Variants in ATP6V1C1 observed in about 807,000 individuals in gnomAD.
ATP6V1C1 encodes the protein ATPase H+ transporting V1 subunit C1.
Under a neutral mutation model 53.9 loss-of-function variants are expected in ATP6V1C1, and 45 were observed. That is an observed-to-expected ratio of 0.83 (90% confidence interval 0.66 to 1.07). The LOEUF (loss-of-function observed/expected upper bound fraction) is 1.07, where lower values mean the gene tolerates loss of function less well. Among genes scored for constraint, ATP6V1C1 ranks in the 50% least tolerant of loss-of-function variants. The pLI, the probability that ATP6V1C1 is intolerant of heterozygous loss-of-function variation, is 0.00. For missense variants in ATP6V1C1, 315 were observed against 440.3 expected, an observed-to-expected ratio of 0.72 and a Z score of 2.55; for synonymous variants, 153 against 155.2, an observed-to-expected ratio of 0.99 and a Z score of 0.11.
chr8:103,051,001 A>G, intron 4 of ATP6V1C1, 49 bp from the exon 5 acceptor site: 1 of 1,322,692 alleles, frequency 7.6e-7, no homozygotes, highest in East Asian at 2.3e-5. Context: ...TAAAAAACTG[A>G]ACAATTCTAT....
intron 12 of ATP6V1C1, among the ~76,000 whole-genome samples, chr8:103,067,879 C>T (rs1817523098): frequency 6.6e-6 from 1 of 152,174 alleles, no homozygotes; most frequent in South Asian, 2.1e-4. Context: ...GCCACCTTGC[C>T]CCCGGCCAAC....
At chr8:103,040,689 T>C (rs1816983420) in intron 1 of ATP6V1C1, 109 bp from the exon 2 acceptor site, 9 of 918,744 alleles carry the variant, frequency 9.8e-6, no homozygotes, top group South Asian at 6.5e-5. Flanking sequence ...ATGCCAACAT[T>C]AGATTAGTTT....
rs1817433474 is a variant in ATP6V1C1, at chr8:103,063,183, TAAA to T, written c.784_786del (p.Lys262del). 6.2e-7 allele frequency: 1 copy of T among 1,612,570 alleles called. No homozygotes were observed. The highest frequency in any genetic ancestry group is 1.3e-5 in the African/African-American group (1 of 74,842). ...ATAATGAAGAGGAGATGAAAGCAGATAAAGAAGAAATGAACAGGCTTTCTACTG... is the reference window on the plus strand; with the variant it reads ...ATAATGAAGAGGAGATGAAAGCAGATGAAGAAATGAACAGGCTTTCTACTG... On this transcript the variant is annotated inframe_deletion, in exon 10 of 13. Transcript: ENST00000518738.
At position 103,051,146 on chromosome 8, in the gene ATP6V1C1, T is replaced by G. The variant is rs1817193488; in HGVS notation, c.381+2T>G. 1 of 1,586,516 alleles carries G rather than the reference T, an allele frequency of 6.3e-7. No homozygotes were observed. Among genetic ancestry groups the G allele is most frequent in the African/African-American group, 1.3e-5 (1 of 74,298 alleles). On this transcript the variant is annotated splice_donor_variant, in intron 5 of 12. Transcript: ENST00000518738. LOFTEE classifies it high-confidence loss of function. ...AATATTTCTGAAATAATTGCCAAGG[T>G]AAGATAATACTTGAGACAAGTAGGA...
chr8:103,051,158 T>A lies in ATP6V1C1; in HGVS notation c.381+14T>A. ...ATAATTGCCAAGGTAAGATAATACT[T>A]GAGACAAGTAGGACACATTGATTTG... On this transcript the variant is annotated intron_variant, in intron 5 of 12. Transcript: ENST00000518738. 1.9e-6 allele frequency: 3 copies of A among 1,542,262 alleles called. No individual in the cohort carries two copies. The highest frequency in any genetic ancestry group is 2.7e-6 in the Non-Finnish European group (3 of 1,118,544).
At chr8:103,068,561 G>A (rs1319922799) in intron 12 of ATP6V1C1, 91 bp from the exon 13 acceptor site, 2 of 899,188 alleles carry the variant, frequency 2.2e-6, no homozygotes, top group South Asian at 1.9e-5. Context: ...GCCCAGAGTA[G>A]ATGTTCAATA....
chr8:103,038,530 CAGATAG>C (rs983472400), intron 1 of ATP6V1C1, among the ~76,000 whole-genome samples: 34 of 152,252 alleles, frequency 2.2e-4, no homozygotes, highest in Admixed American at 2.1e-3. Context: ...AAATCTTTCA[CAGATAG>C]AGAGATATGT....
chr8:103,031,667 A>T (rs1368676064), intron 1 of ATP6V1C1, among the ~76,000 whole-genome samples: 1 of 152,234 alleles, frequency 6.6e-6, no homozygotes, highest in East Asian at 1.9e-4. Context: ...CCCAGCTCCA[A>T]CATTGGGGTT....
intron 3 of ATP6V1C1, among the ~76,000 whole-genome samples, chr8:103,045,955 A>G (rs1046709086): frequency 3.3e-5 from 5 of 151,982 alleles, no homozygotes; most frequent in African/African-American, 1.2e-4. Context: ...AAAAAAGAAA[A>G]GAAAAAAATG....
At chr8:103,059,804 G>A (rs1477412801) in intron 8 of ATP6V1C1, among the ~76,000 whole-genome samples, 1 of 151,130 alleles carries the variant, frequency 6.6e-6, no homozygotes, top group African/African-American at 2.4e-5. Context: ...TCATCTTTGT[G>A]ACATACAAAT....
chr8:103,047,677 G>A (rs769198175), intron 3 of ATP6V1C1, among the ~76,000 whole-genome samples: 10 of 152,254 alleles, frequency 6.6e-5, no homozygotes, highest in Admixed American at 1.3e-4. Flanking sequence ...TTCTCGGCCT[G>A]CTGCTTCCAT....
chr8:103,025,782 G>A (rs996763264), intron 1 of ATP6V1C1, among the ~76,000 whole-genome samples: 3 of 152,190 alleles, frequency 2.0e-5, no homozygotes, highest in Non-Finnish European at 4.4e-5. Context: ...GCTTATCACT[G>A]GGCACAACAT....
chr8:103,054,514 T>C (rs1201108236), intron 7 of ATP6V1C1, among the ~76,000 whole-genome samples: 1 of 152,114 alleles, frequency 6.6e-6, no homozygotes, highest in East Asian at 1.9e-4. Flanking sequence ...CCATAGATGA[T>C]ATGTGAACGA....
chr8:103,030,378 A>G (rs1271883226), intron 1 of ATP6V1C1, among the ~76,000 whole-genome samples: 1 of 152,212 alleles, frequency 6.6e-6, no homozygotes, highest in Non-Finnish European at 1.5e-5. Flanking sequence ...AATCAGAACA[A>G]TTAGAAAAAC....
chr8:103,060,002 C>G (rs1817368551), intron 8 of ATP6V1C1, among the ~76,000 whole-genome samples: 1 of 147,984 alleles, frequency 6.8e-6, no homozygotes, highest in Non-Finnish European at 1.5e-5. Flanking sequence ...GACACAGTCT[C>G]TCTCACCCAG....
chr8:103,062,144 C>A (rs1172920978), intron 8 of ATP6V1C1, among the ~76,000 whole-genome samples: 1 of 138,678 alleles, frequency 7.2e-6, no homozygotes, highest in Non-Finnish European at 1.5e-5. Context: ...ATTATTTAGA[C>A]AGTTGTGTTC....
intron 1 of ATP6V1C1, among the ~76,000 whole-genome samples, chr8:103,030,547 G>A (rs980876888): frequency 6.6e-6 from 1 of 152,194 alleles, no homozygotes; most frequent in African/African-American, 2.4e-5. Flanking sequence ...ACAATAGGCA[G>A]TACAGGAGCT....
chr8:103,054,105 A>G, intron 7 of ATP6V1C1, 123 bp downstream of exon 7: 1 of 674,688 alleles, frequency 1.5e-6, no homozygotes, highest in Non-Finnish European at 2.4e-6. Flanking sequence ...CTTGCCATTC[A>G]TTCTGTCATC....
At chr8:103,049,876 G>A (rs907885471) in intron 4 of ATP6V1C1, among the ~76,000 whole-genome samples, 7 of 152,112 alleles carry the variant, frequency 4.6e-5, no homozygotes, top group Non-Finnish European at 5.9e-5. Context: ...GGGATTGCTT[G>A]AGCCCAGGAG....
Sources: gnomAD v4.1 joint callset for allele counts (sites outside exome capture counted in the v4.1 genomes callset) on GRCh38, gnomAD v4.1.1 for gene constraint, MANE v1.5 for transcripts, NCBI Gene and HGNC (gene_info 2026-07-23, HGNC 2026-07-21) for gene names.